The following DLGAP2 variants were observed in gnomAD, a reference collection of about 807,000 sequenced individuals.
DLGAP2 encodes disks large-associated protein 2.
In DLGAP2, 26 loss-of-function variants were observed where a neutral mutation model predicts 100.3. The ratio of observed to expected loss-of-function variants is 0.26; its 90% CI spans 0.19 to 0.36. The LOEUF is 0.36. Among genes scored for constraint, DLGAP2 ranks in the 10% least tolerant of loss-of-function variants. The pLI is 1.00. For synonymous variants in DLGAP2, 886 were observed against 630.1 expected (o/e 1.41, Z -6.08); for missense variants, 1,858 against 1,453.2 (o/e 1.28, Z -4.53).
chr8:1,470,810 C>G (rs75396356), intron 3 of DLGAP2, among the ~76,000 whole-genome samples: 1 of 109,078 alleles, frequency 9.2e-6, no homozygotes, highest in African/African-American at 3.2e-5. Flanking sequence ...CCAGCCTTTC[C>G]CGACCCCTCC....
chr8:1,157,727 A>G (rs1475146420), intron 2 of DLGAP2, among the ~76,000 whole-genome samples: 1 of 152,234 alleles, frequency 6.6e-6, no homozygotes, highest in African/African-American at 2.4e-5. Context: ...CACCATGACA[A>G]GAGAACGTCA....
At chr8:1,417,647 A>G (rs111668338) in intron 3 of DLGAP2, among the ~76,000 whole-genome samples, 14,471 of 55,456 alleles carry the variant, frequency 0.26, 1,848 homozygotes, top group Middle Eastern at 0.36. Context: ...GGGCACGGGG[A>G]GCCCCACTCC....
intron 2 of DLGAP2, among the ~76,000 whole-genome samples, chr8:1,227,528 C>G (rs1218064831): frequency 6.6e-6 from 1 of 150,652 alleles, no homozygotes; most frequent in Admixed American, 6.6e-5. Flanking sequence ...GAGTTCTGCT[C>G]TGTCGCCCAG....
chr8:1,430,012 A>ATATATATATATATATATATATATATATG (rs1797373715), intron 3 of DLGAP2, among the ~76,000 whole-genome samples: 1 of 69,486 alleles, frequency 1.4e-5, no homozygotes, highest in African/African-American at 8.0e-5. Flanking sequence ...ATATACATAT[A>ATATATATATATATATATATATATATATG]TATATATATA....
At chr8:995,344 A>T (rs1265197698) in intron 2 of DLGAP2, among the ~76,000 whole-genome samples, 1 of 152,226 alleles carries the variant, frequency 6.6e-6, no homozygotes, top group Non-Finnish European at 1.5e-5. Flanking sequence ...GTTGATAGAA[A>T]CATCTTTTGA....
chr8:924,138 G>C (rs1267419751), intron 2 of DLGAP2, among the ~76,000 whole-genome samples: 1 of 152,192 alleles, frequency 6.6e-6, no homozygotes, highest in Non-Finnish European at 1.5e-5. Flanking sequence ...CTGGTTTTCA[G>C]TTTCTAGTCC....
chr8:1,195,470 GT>G (rs1200246525), intron 2 of DLGAP2, among the ~76,000 whole-genome samples: 1 of 152,220 alleles, frequency 6.6e-6, no homozygotes, highest in Non-Finnish European at 1.5e-5. Context: ...ACAGAAAACT[GT>G]TTTCAGAAAG....
At chr8:1,519,267 C>T (rs577900147) in intron 4 of DLGAP2, among the ~76,000 whole-genome samples, 22 of 151,910 alleles carry the variant, frequency 1.4e-4, no homozygotes, top group Non-Finnish European at 2.5e-4. Flanking sequence ...TCCCATCCTA[C>T]GCCTGAAAAC....
At chr8:1,091,718 T>C (rs1804188164) in intron 2 of DLGAP2, among the ~76,000 whole-genome samples, 2 of 152,150 alleles carry the variant, frequency 1.3e-5, no homozygotes, top group African/African-American at 2.4e-5. Context: ...GTCTGGGTTG[T>C]TGACGTTGCG....
chr8:853,529 C>T (rs936455395), intron 1 of DLGAP2, among the ~76,000 whole-genome samples: 3 of 152,160 alleles, frequency 2.0e-5, no homozygotes, highest in Non-Finnish European at 4.4e-5. Context: ...CCACGACATC[C>T]AAGTTCTCAG....
intron 3 of DLGAP2, chr8:1,377,731 A>G (rs1476960085): frequency 6.6e-6 from 1 of 151,968 alleles, no homozygotes; most frequent in African/African-American, 2.4e-5. Context: ...TCCCAATACC[A>G]TATAATATTG....
chr8:1,287,469 A>T (rs1799953074), intron 3 of DLGAP2, among the ~76,000 whole-genome samples: 1 of 46,434 alleles, frequency 2.2e-5, no homozygotes, highest in Non-Finnish European at 3.5e-5. Flanking sequence ...GTTTCGGTTC[A>T]GCGTGTGTGT....
At chr8:1,056,258 G>A (rs933420785) in intron 2 of DLGAP2, among the ~76,000 whole-genome samples, 6 of 152,194 alleles carry the variant, frequency 3.9e-5, no homozygotes, top group African/African-American at 1.4e-4. Context: ...CTGGTCACGT[G>A]GGCCTCTCCA....
chr8:1,045,140 C>CTG (rs1802481187), intron 2 of DLGAP2, among the ~76,000 whole-genome samples: 1 of 152,246 alleles, frequency 6.6e-6, no homozygotes, highest in South Asian at 2.1e-4. Context: ...AAACCCTGGT[C>CTG]TAGACTTCCC....
chr8:1,080,961 A>G (rs1204847498), intron 2 of DLGAP2, among the ~76,000 whole-genome samples: 2 of 152,224 alleles, frequency 1.3e-5, no homozygotes, highest in Non-Finnish European at 2.9e-5. Flanking sequence ...CGATATCTTG[A>G]TAGTTTAACA....
chr8:1,625,741 A>C (rs1416840555), intron 6 of DLGAP2, among the ~76,000 whole-genome samples: 2 of 152,284 alleles, frequency 1.3e-5, no homozygotes, highest in African/African-American at 2.4e-5. Context: ...TTTTTTAAAA[A>C]TATGGAATGA....
At position 1,052,210 on chromosome 8, in the gene DLGAP2, C is replaced by T. The variant is rs970097576; in HGVS notation, c.73+144244C>T. Among the ~76,000 whole-genome samples the T allele has an allele frequency of 2.6e-5, 4 of 152,174 alleles. No homozygotes were observed. The East Asian group carries it at 5.8e-4, about 22-fold the overall frequency. ...GGCCTGCCTCTGACCACCCCTTCCC[C>T]CCATTCTCATGCATGTAGACAGTTC... On this transcript the variant is annotated intron_variant, in intron 2 of 14. Transcript: ENST00000637795.
chr8:1,104,977 G>A (rs1429253029), intron 2 of DLGAP2: 1 of 152,254 alleles, frequency 6.6e-6, no homozygotes, highest in African/African-American at 2.4e-5. Flanking sequence ...ACGCCCTGGA[G>A]CAGAGGAGGA....
At chr8:1,380,237 C>A (rs1018187798) in intron 3 of DLGAP2, 1 of 152,192 alleles carries the variant, frequency 6.6e-6, no homozygotes, top group African/African-American at 2.4e-5. Context: ...CAGCAAAGCG[C>A]TTTGCAGAGA....
Sources: allele counts gnomAD v4.1 joint callset (sites outside exome capture counted in the v4.1 genomes callset), GRCh38; gene constraint gnomAD v4.1.1; transcripts MANE v1.5; gene names NCBI Gene and HGNC (gene_info 2026-07-23, HGNC 2026-07-21).